Variants in SDK1 observed in about 807,000 individuals in gnomAD.
SDK1 encodes sidekick cell adhesion molecule 1.
A neutral mutation model predicts 245.5 loss-of-function variants in SDK1; 157 were observed. The observed-to-expected ratio is 0.64, with a 90% CI of 0.56 to 0.73. The LOEUF (loss-of-function observed/expected upper bound fraction) is 0.73, where lower values mean the gene tolerates loss of function less well. Ranked by LOEUF, SDK1 falls within the 30% of genes least tolerant of loss-of-function variation. SDK1 has a pLI of 0.00. For synonymous variants in SDK1, 1,647 were observed against 1,278.5 expected (o/e 1.29, Z -6.15); for missense variants, 3,583 against 3,002.3 (o/e 1.19, Z -4.52).
At chr7:3,536,646 A>C (rs761649659) in intron 1 of SDK1, among the ~76,000 whole-genome samples, 18 of 151,838 alleles carry the variant, frequency 1.2e-4, no homozygotes, top group Admixed American at 5.3e-4. Context: ...GTAAGCTGAG[A>C]TTGTGCCACT....
At chr7:3,388,159 T>A (rs1378307811) in intron 1 of SDK1, among the ~76,000 whole-genome samples, 1 of 152,212 alleles carries the variant, frequency 6.6e-6, no homozygotes, top group Admixed American at 6.5e-5. Flanking sequence ...GCTTCTCTAG[T>A]CTTCAGTTAT....
intron 4 of SDK1, among the ~76,000 whole-genome samples, chr7:3,678,709 T>C (rs1176004026): frequency 6.6e-6 from 1 of 152,170 alleles, no homozygotes; most frequent in Non-Finnish European, 1.5e-5. Context: ...GAAATAGTGG[T>C]GATATGCACA....
intron 4 of SDK1, among the ~76,000 whole-genome samples, chr7:3,799,449 A>C (rs963258805): frequency 2.0e-5 from 3 of 151,938 alleles, no homozygotes; most frequent in African/African-American, 4.8e-5. Context: ...TCACGTCTGT[A>C]ATCCCAGCAC....
intron 19 of SDK1, among the ~76,000 whole-genome samples, chr7:4,052,817 A>C (rs1191528368): frequency 2.6e-5 from 4 of 152,094 alleles, no homozygotes; most frequent in Non-Finnish European, 5.9e-5. Flanking sequence ...AGGGCCATGC[A>C]GTGGTTCATG....
chr7:4,174,225 C>G lies in SDK1; in HGVS notation c.4804C>G (p.Pro1602Ala). Residue 1602 changes from proline to alanine, a missense_variant, in exon 33 of 45, where the codon CCG becomes GCG. Physicochemically the swap from Pro to Ala is conservative, Grantham distance 27. Transcript: ENST00000404826. ...AGTCGGTGTGATGTCTTTGCAGCCT[C>G]CGAGGGACGAAAGCCTGAATGGCCT... is the stretch of plus-strand genomic sequence containing the variant. ...TSSVLIQWQP[P>A]RDESLNGLLQ... 6.2e-7 allele frequency: 1 copy of G among 1,614,022 alleles called. No homozygotes were observed.
chr7:4,042,628 CGGGGAGGAAG>C (rs1788715114), intron 17 of SDK1, among the ~76,000 whole-genome samples: 1 of 150,842 alleles, frequency 6.6e-6, no homozygotes, highest in Non-Finnish European at 1.5e-5. Flanking sequence ...GCTAATCATC[CGGGGAGGAAG>C]TGTCCCTTGA....
chr7:3,632,327 C>T lies in SDK1; in HGVS notation c.459-6677C>T, dbSNP rs114988797. On this transcript the variant is annotated intron_variant, in intron 2 of 44. Transcript: ENST00000404826. ...AAGCATTGTTTATTTTAGAGAAAAT[C>T]ACATAAACGGGAATCCCAGAGGAGG... 1.6e-3 allele frequency among the ~76,000 whole-genome samples: 241 copies of T among 152,280 alleles called. 2 individuals are homozygous for T. The highest frequency in any genetic ancestry group is 5.7e-3 in the African/African-American group (236 of 41,558).
At chr7:4,244,636 G>A (rs897846587) in intron 43 of SDK1, among the ~76,000 whole-genome samples, 2 of 152,178 alleles carry the variant, frequency 1.3e-5, no homozygotes, top group African/African-American at 4.8e-5. Flanking sequence ...AGCACCACGC[G>A]GTCTCCCTGG....
intron 1 of SDK1, among the ~76,000 whole-genome samples, chr7:3,591,648 T>C (rs1780878869): frequency 6.6e-6 from 1 of 152,230 alleles, no homozygotes; most frequent in African/African-American, 2.4e-5. Flanking sequence ...TGCTGTACGT[T>C]GATGGGTGGG....
chr7:3,829,301 G>C (rs1779856822), intron 5 of SDK1, among the ~76,000 whole-genome samples: 2 of 152,306 alleles, frequency 1.3e-5, no homozygotes, highest in Admixed American at 1.3e-4. Flanking sequence ...GCTATATGCA[G>C]ATGTGATTAT....
chr7:3,737,073 T>C (rs1264197699), intron 4 of SDK1, among the ~76,000 whole-genome samples: 6 of 152,246 alleles, frequency 3.9e-5, no homozygotes, highest in African/African-American at 1.4e-4. Context: ...GATACATCCA[T>C]GTTATCACAA....
At chr7:4,242,052 T>A in intron 43 of SDK1, 139 bp downstream of exon 43, 1 of 986,102 alleles carries the variant, frequency 1.0e-6, no homozygotes, top group Non-Finnish European at 1.5e-6. Flanking sequence ...CCAAGTGCGC[T>A]CCCAAACCAC....
At chr7:3,615,918 C>G (rs970843823) in intron 1 of SDK1, among the ~76,000 whole-genome samples, 3 of 151,814 alleles carry the variant, frequency 2.0e-5, no homozygotes, top group Admixed American at 2.0e-4. Context: ...GGTCTGTCAC[C>G]CACACTGCCA....
At chr7:3,788,019 G>A (rs1780959171) in intron 4 of SDK1, among the ~76,000 whole-genome samples, 1 of 152,172 alleles carries the variant, frequency 6.6e-6, no homozygotes, top group South Asian at 2.1e-4. Context: ...GCTCTTGGAA[G>A]TGACTCTGAG....
At chr7:4,003,251 C>A (rs11973065) in intron 14 of SDK1, among the ~76,000 whole-genome samples, 2 of 152,144 alleles carry the variant, frequency 1.3e-5, no homozygotes, top group Non-Finnish European at 2.9e-5. Flanking sequence ...TGCCCCTCCC[C>A]TGCCTGCTCC....
chr7:3,403,874 ATATATTTATT>A (rs1778978414), intron 1 of SDK1, among the ~76,000 whole-genome samples: 1 of 127,372 alleles, frequency 7.9e-6, no homozygotes, highest in Non-Finnish European at 1.6e-5. Context: ...TATATAATAT[ATATATTTATT>A]TATATTATAT....
chr7:3,994,368 G>A (rs1031001748), intron 14 of SDK1, among the ~76,000 whole-genome samples: 12 of 152,132 alleles, frequency 7.9e-5, no homozygotes, highest in African/African-American at 1.7e-4. Flanking sequence ...CAGGCTGGGC[G>A]CAGTGGCTCA....
intron 1 of SDK1, among the ~76,000 whole-genome samples, chr7:3,415,233 CA>C (rs1252816858): frequency 5.3e-5 from 8 of 152,040 alleles, no homozygotes; most frequent in African/African-American, 1.9e-4. Context: ...GCATATGTTA[CA>C]AAAAATATTT....
intron 1 of SDK1, among the ~76,000 whole-genome samples, chr7:3,528,827 G>C (rs1005162320): frequency 2.6e-5 from 4 of 152,126 alleles, no homozygotes; most frequent in African/African-American, 9.7e-5. Context: ...GACTCAGAGA[G>C]AGAGGTAGGT....
Sources: allele counts gnomAD v4.1 joint callset (sites outside exome capture counted in the v4.1 genomes callset), GRCh38; gene constraint gnomAD v4.1.1; transcripts MANE v1.5; gene names NCBI Gene and HGNC (gene_info 2026-07-23, HGNC 2026-07-21).